Variants in VKORC1L1 observed in about 807,000 individuals in gnomAD.
VKORC1L1 encodes the protein vitamin K epoxide reductase complex subunit 1-like protein 1.
Under a neutral mutation model 18.9 loss-of-function variants are expected in VKORC1L1, and 2 were observed. The ratio of observed to expected loss-of-function variants is 0.11; its 90% confidence interval spans 0.04 to 0.33. VKORC1L1 has a LOEUF of 0.33. Ranked by LOEUF, VKORC1L1 falls within the 10% of genes least tolerant of loss-of-function variation. VKORC1L1 has a pLI of 1.00. For missense variants in VKORC1L1, 123 were observed against 224.1 expected (o/e 0.55, Z 2.88); for synonymous variants, 96 against 100.0 (o/e 0.96, Z 0.24).
At chr7:65,868,462 TCA>T (rs936519713), upstream of VKORC1L1, among the ~76,000 whole-genome samples, 86 of 152,224 alleles carry the variant, frequency 5.6e-4, no homozygotes, top group African/African-American at 1.8e-3. Context: ...ACCAGCAATC[TCA>T]CTACTAGATA....
chr7:65,930,513 G>C (rs1248070803), intron 1 of VKORC1L1, among the ~76,000 whole-genome samples: 1 of 152,210 alleles, frequency 6.6e-6, no homozygotes, highest in African/African-American at 2.4e-5. Flanking sequence ...AGCATTGGCT[G>C]TTTGGAACTG....
chr7:65,883,523 G>A (rs1317262862), intron 1 of VKORC1L1, among the ~76,000 whole-genome samples: 3 of 150,968 alleles, frequency 2.0e-5, no homozygotes, highest in East Asian at 1.9e-4. Context: ...TTTTTGAGAC[G>A]GAGTTTCACT....
upstream of VKORC1L1, among the ~76,000 whole-genome samples, chr7:65,869,208 A>G (rs898934864): frequency 2.0e-5 from 3 of 151,846 alleles, no homozygotes; most frequent in Non-Finnish European, 4.4e-5. Flanking sequence ...TCAGCTACTC[A>G]AAGGCTGAGG....
chr7:65,941,297 G>A lies in VKORC1L1; in HGVS notation c.195-7374G>A, dbSNP rs140420024. Among the ~76,000 whole-genome samples, 1,127 of 151,792 alleles carry A rather than the reference G, an allele frequency of 7.4e-3. 15 individuals carry two copies. Among genetic ancestry groups the A allele is most frequent in the African/African-American group, 0.026 (1,058 of 41,356 alleles). Reference sequence around the variant, plus strand: ...TTTTTTTTCTTTCTTCTTTTTTTAGGTAGCGACAGAGTCTCATAATGTTGC... The same window carrying A: ...TTTTTTTTCTTTCTTCTTTTTTTAGATAGCGACAGAGTCTCATAATGTTGC... On this transcript the variant is annotated intron_variant, in intron 1 of 2. Coordinates refer to ENST00000360768, the MANE Select transcript of VKORC1L1 (RefSeq NM_173517.6).
intron 1 of VKORC1L1, among the ~76,000 whole-genome samples, chr7:65,915,313 G>C (rs1490631326): frequency 1.3e-5 from 2 of 151,486 alleles, no homozygotes; most frequent in African/African-American, 2.4e-5. Context: ...GGATAGTCTC[G>C]ATCTCCTGAC....
intron 1 of VKORC1L1, among the ~76,000 whole-genome samples, chr7:65,917,762 C>A (rs1789612435): frequency 1.3e-5 from 2 of 152,132 alleles, no homozygotes; most frequent in Admixed American, 1.3e-4. Context: ...ATCATTAGTT[C>A]ATTATTTGAC....
chr7:65,891,501 T>G (rs995293988), intron 1 of VKORC1L1, among the ~76,000 whole-genome samples: 11 of 152,154 alleles, frequency 7.2e-5, no homozygotes, highest in Admixed American at 6.6e-4. Context: ...TTGAAGTCTT[T>G]TGGCTAATTT....
At chr7:65,895,661 C>T (rs1304982737) in intron 1 of VKORC1L1, among the ~76,000 whole-genome samples, 1 of 150,746 alleles carries the variant, frequency 6.6e-6, no homozygotes, top group African/African-American at 2.4e-5. Flanking sequence ...AAAATCTGTT[C>T]ATGAGGGAGG....
chr7:65,928,366 C>T (rs1789801465), intron 1 of VKORC1L1, among the ~76,000 whole-genome samples: 1 of 148,992 alleles, frequency 6.7e-6, no homozygotes, highest in South Asian at 2.2e-4. Flanking sequence ...GCTGGGATTA[C>T]AGGCATGTGC....
intron 1 of VKORC1L1, among the ~76,000 whole-genome samples, chr7:65,890,561 A>G: frequency 6.6e-6 from 1 of 152,194 alleles, no homozygotes; most frequent in East Asian, 1.9e-4. Flanking sequence ...GAGCCACCAC[A>G]TCCAGCCTTC....
At chr7:65,893,407 A>G (rs1282393846) in intron 1 of VKORC1L1, among the ~76,000 whole-genome samples, 3 of 152,072 alleles carry the variant, frequency 2.0e-5, no homozygotes, top group African/African-American at 4.8e-5. Flanking sequence ...TGGATGTGAT[A>G]GCACATGCAT....
In VKORC1L1 at chr7:65,873,087, C is replaced by G. The variant is rs1325674413; in HGVS notation, c.-285C>G. 1.1e-4 allele frequency among the ~76,000 whole-genome samples: 16 copies of G among 148,990 alleles called. No homozygotes were observed. The highest frequency in any genetic ancestry group is 7.5e-5 in the Non-Finnish European group (5 of 66,666). ...CCACGCCGCCTCAGTCTCCGCCCGC[C>G]GATCCGGCCTCTTCGGCCGTTGCGC... On this transcript the variant is annotated 5_prime_UTR_variant, in exon 1 of 3. Transcript: ENST00000360768.
chr7:65,879,664 C>CTTCTTTTTTCTTT lies in VKORC1L1; in HGVS notation c.194+6099_194+6100insTTCTTTTTTCTTT, dbSNP rs1788892614. On this transcript the variant is annotated intron_variant, in intron 1 of 2. Coordinates refer to ENST00000360768, the MANE Select transcript of VKORC1L1 (RefSeq NM_173517.6). Reference sequence around the variant, plus strand: ...CACTACTCTTTCGTCTTCCTTTCTTCCTTTCCCTCCCACCCTCCTTCTTCC... The same window carrying CTTCTTTTTTCTTT: ...CACTACTCTTTCGTCTTCCTTTCTTCTTCTTTTTTCTTTCTTTCCCTCCCACCCTCCTTCTTCC... 4.0e-5 allele frequency among the ~76,000 whole-genome samples: 6 copies of CTTCTTTTTTCTTT among 151,868 alleles called. No homozygotes were observed. In the South Asian group the frequency reaches 6.2e-4, roughly 16 times the overall value.
At chr7:65,922,630 T>C (rs1003711914) in intron 1 of VKORC1L1, among the ~76,000 whole-genome samples, 6 of 152,220 alleles carry the variant, frequency 3.9e-5, no homozygotes, top group Non-Finnish European at 8.8e-5. Context: ...CGTGAACAAA[T>C]TCAGTTTTTA....
upstream of VKORC1L1, among the ~76,000 whole-genome samples, chr7:65,872,863 C>G (rs545084019): frequency 5.3e-5 from 8 of 152,106 alleles, no homozygotes; most frequent in East Asian, 1.9e-4. Context: ...GCCGAGGGTT[C>G]GCCCAGTCAC....
chr7:65,866,421 C>T, the VKORC1L1 span, among the ~76,000 whole-genome samples: 1 of 152,116 alleles, frequency 6.6e-6, no homozygotes, highest in Non-Finnish European at 1.5e-5. Flanking sequence ...GATCCAGGCA[C>T]GGCTGGCATT....
chr7:65,912,016 A>G (rs557895756), intron 1 of VKORC1L1, among the ~76,000 whole-genome samples: 1 of 152,342 alleles, frequency 6.6e-6, no homozygotes, highest in African/African-American at 2.4e-5. Context: ...ATAATATAAT[A>G]TCAAGGTAAA....
rs375807316 is a variant in VKORC1L1 at position 65,944,949 on chromosome 7, C to T, written c.195-3722C>T. On this transcript the variant is annotated intron_variant, in intron 1 of 2. Coordinates refer to ENST00000360768, the MANE Select transcript of VKORC1L1 (RefSeq NM_173517.6). ...AAAAAAAAGCAACATTCTGGCTTAC[C>T]ATATTAGCGAGTCAAAAGATAATAT... Among the ~76,000 whole-genome samples the T allele has an allele frequency of 7.9e-5, 12 of 151,524 alleles. No individual in the cohort carries two copies. In the East Asian group the frequency reaches 1.2e-3, roughly 15 times the overall value.
chr7:65,884,402 T>C (rs1405401175), intron 1 of VKORC1L1, among the ~76,000 whole-genome samples: 9 of 152,138 alleles, frequency 5.9e-5, no homozygotes, highest in Non-Finnish European at 8.8e-5. Flanking sequence ...TTTGGGAGGC[T>C]GAGGCAGGTG....
Sources: allele counts gnomAD v4.1 joint callset (sites outside exome capture counted in the v4.1 genomes callset), GRCh38; gene constraint gnomAD v4.1.1; transcripts MANE v1.5; gene names NCBI Gene and HGNC (gene_info 2026-07-23, HGNC 2026-07-21).